The following VMP1 variants were observed in gnomAD, a reference collection of about 807,000 sequenced individuals.
VMP1 encodes the protein ectopic P-granules autophagy protein 3 homolog.
A neutral mutation model predicts 56.0 loss-of-function variants in VMP1; 11 were observed. That is an observed-to-expected ratio of 0.20 (90% CI 0.12 to 0.32). VMP1 has a LOEUF of 0.32. Ranked by LOEUF, VMP1 falls within the 10% of genes least tolerant of loss-of-function variation. The pLI, the probability that VMP1 is intolerant of heterozygous loss-of-function variation, is 1.00. For synonymous variants in VMP1, 149 were observed against 165.0 expected, an observed-to-expected ratio of 0.90 and a Z score of 0.74; for missense variants, 296 against 490.3, an observed-to-expected ratio of 0.60 and a Z score of 3.74.
chr17:59,800,220 G>A lies in VMP1; in HGVS notation c.715-8576G>A, dbSNP rs114561435. ...AGTTTTACATTGCAGTTTCTATAAA[G>A]ATAATAGTTAATTGTATAATGTATT... On this transcript the variant is annotated intron_variant, in intron 7 of 11. Transcript: ENST00000262291. Among the ~76,000 whole-genome samples the A allele has an allele frequency of 4.0e-3, 613 of 152,278 alleles. 9 individuals carry two copies. Among genetic ancestry groups the A allele is most frequent in the African/African-American group, 0.014 (586 of 41,560 alleles).
chr17:59,729,211 G>A (rs921830224), intron 1 of VMP1, among the ~76,000 whole-genome samples: 1 of 152,092 alleles, frequency 6.6e-6, no homozygotes, highest in African/African-American at 2.4e-5. Flanking sequence ...TAGGCTGGGC[G>A]CAGTGGCTCA....
At chr17:59,716,060 T>A (rs1028300041) in intron 1 of VMP1, among the ~76,000 whole-genome samples, 3 of 152,182 alleles carry the variant, frequency 2.0e-5, no homozygotes, top group Non-Finnish European at 4.4e-5. Context: ...TTCTTAGCAA[T>A]TTTTTGAGAC....
intron 7 of VMP1, among the ~76,000 whole-genome samples, chr17:59,796,436 C>T (rs150024626): frequency 9.2e-5 from 14 of 152,288 alleles, no homozygotes; most frequent in African/African-American, 3.4e-4. Context: ...GAACGAATCA[C>T]TATGTTCTCA....
intron 1 of VMP1, among the ~76,000 whole-genome samples, chr17:59,715,659 A>C (rs1422782421): frequency 6.6e-6 from 1 of 152,144 alleles, no homozygotes; most frequent in Non-Finnish European, 1.5e-5. Context: ...AAACATGCTA[A>C]TCATTTATTT....
intron 5 of VMP1, among the ~76,000 whole-genome samples, chr17:59,755,895 C>T (rs938200497): frequency 6.6e-6 from 1 of 151,944 alleles, no homozygotes; most frequent in Admixed American, 6.6e-5. Context: ...TATGCCACCA[C>T]ACTGGGCTAA....
chr17:59,757,234 G>A lies in VMP1; in HGVS notation c.415-7737G>A, dbSNP rs963861135. ...TTAAAACTCTTCACTACCAGATTAG[G>A]ATGGAGATAGATAGATAGATAGATA... On this transcript the variant is annotated intron_variant, in intron 5 of 11. Coordinates refer to ENST00000262291, the MANE Select transcript of VMP1 (RefSeq NM_030938.5). Among the ~76,000 whole-genome samples, 14 of 134,944 alleles carry A rather than the reference G, an allele frequency of 1.0e-4. 1 individual carries two copies. In the East Asian group the frequency reaches 2.9e-3, roughly 28 times the overall value. 88.5% of individuals were successfully genotyped at this position (134,944 alleles called of 152,430 possible).
chr17:59,800,863 C>T (rs966593799), intron 7 of VMP1, among the ~76,000 whole-genome samples: 9 of 151,826 alleles, frequency 5.9e-5, no homozygotes, highest in Admixed American at 3.9e-4. Flanking sequence ...GGGCAGATCA[C>T]GAGGTCAGGA....
At chr17:59,837,762 T>C (rs1445123755) in intron 10 of VMP1, 1 of 152,234 alleles carries the variant, frequency 6.6e-6, no homozygotes, top group East Asian at 1.9e-4. Flanking sequence ...AGGACTTAGA[T>C]TGAGAAAGAC....
intron 7 of VMP1, among the ~76,000 whole-genome samples, chr17:59,782,201 A>T (rs1568136169): frequency 6.6e-6 from 1 of 151,972 alleles, no homozygotes; most frequent in Non-Finnish European, 1.5e-5. Context: ...GAGCCACCGC[A>T]CCTGGCCTGT....
intron 1 of VMP1, among the ~76,000 whole-genome samples, chr17:59,710,523 C>T (rs1274099170): frequency 1.3e-5 from 2 of 152,192 alleles, no homozygotes; most frequent in South Asian, 2.1e-4. Context: ...TACACACATA[C>T]GCACATAAGC....
intron 5 of VMP1, among the ~76,000 whole-genome samples, chr17:59,746,451 C>A (rs1421624955): frequency 2.6e-5 from 4 of 152,148 alleles, no homozygotes; most frequent in African/African-American, 9.7e-5. Flanking sequence ...GGATTACAGG[C>A]GTGAGCCAAC....
At chr17:59,716,906 A>G (rs2034175405) in intron 1 of VMP1, among the ~76,000 whole-genome samples, 1 of 152,184 alleles carries the variant, frequency 6.6e-6, no homozygotes, top group African/African-American at 2.4e-5. Context: ...CTCTTAGCCA[A>G]ATCTCCCAAC....
chr17:59,815,687 AC>A, intron 9 of VMP1, among the ~76,000 whole-genome samples: 1 of 114,340 alleles, frequency 8.7e-6, no homozygotes. Flanking sequence ...CCCCGTCTCT[AC>A]TAAAAAAAAT....
At chr17:59,813,429 T>C (rs1287765916) in intron 9 of VMP1, among the ~76,000 whole-genome samples, 1 of 151,928 alleles carries the variant, frequency 6.6e-6, no homozygotes, top group Non-Finnish European at 1.5e-5. Flanking sequence ...AATACAAAAT[T>C]AGCCGAGCGT....
In VMP1 at chr17:59,773,792, C is replaced by T. The variant is rs780151624; in HGVS notation, c.621C>T (p.Phe207=). The change falls in exon 7 of 12, where the codon TTC becomes TTT. Residue 207 remains phenylalanine (F), a synonymous_variant. Coordinates refer to ENST00000262291, the MANE Select transcript of VMP1 (RefSeq NM_030938.5). ...GTAIGELPPY[F]MARAARLSGA... Reference sequence around the variant, plus strand: ...CAATCGGAGAGCTGCCTCCATATTTCATGGCCAGAGCAGCTCGCCTCTCAG... The same window carrying T: ...CAATCGGAGAGCTGCCTCCATATTTTATGGCCAGAGCAGCTCGCCTCTCAG... The T allele has an allele frequency of 1.2e-6, 2 of 1,611,370 alleles. No homozygotes were observed. The highest frequency in any genetic ancestry group is 2.2e-5 in the East Asian group (1 of 44,854).
At chr17:59,814,842 A>G (rs779244908) in intron 9 of VMP1, among the ~76,000 whole-genome samples, 5 of 152,238 alleles carry the variant, frequency 3.3e-5, no homozygotes, top group Non-Finnish European at 7.3e-5. Context: ...GCTGTGTTCC[A>G]TCGTATCATA....
intron 5 of VMP1, among the ~76,000 whole-genome samples, chr17:59,748,238 C>T (rs1268832384): frequency 3.1e-4 from 46 of 149,516 alleles, no homozygotes. Flanking sequence ...CGTTTTGATA[C>T]ACATATTTAC....
At chr17:59,817,869 T>A in intron 10 of VMP1, 96 bp downstream of exon 10, 1 of 980,340 alleles carries the variant, frequency 1.0e-6, no homozygotes. Flanking sequence ...TTTGACATAG[T>A]TCTTTATTTT....
intron 4 of VMP1, among the ~76,000 whole-genome samples, chr17:59,738,230 G>A (rs1354550674): frequency 6.6e-6 from 1 of 152,182 alleles, no homozygotes; most frequent in Admixed American, 6.5e-5. Flanking sequence ...TGTATAAAAA[G>A]ACAGGTTCAT....
Sources: gnomAD v4.1 joint callset for allele counts (sites outside exome capture counted in the v4.1 genomes callset) on GRCh38, gnomAD v4.1.1 for gene constraint, MANE v1.5 for transcripts, NCBI Gene and HGNC (gene_info 2026-07-23, HGNC 2026-07-21) for gene names.